Variants in TLE4 observed in about 807,000 individuals in gnomAD.
TLE4 encodes the protein TLE family member 4, transcriptional corepressor, also known as transducin-like enhancer protein 4.
Under a neutral mutation model 92.8 loss-of-function variants are expected in TLE4, and 8 were observed. That is an observed-to-expected ratio of 0.09 (90% confidence interval 0.05 to 0.16). The LOEUF is 0.16. Ranked by LOEUF, TLE4 falls within the 10% of genes least tolerant of loss-of-function variation. The pLI is 1.00. For missense variants in TLE4, 675 were observed against 997.6 expected (o/e 0.68, Z 4.36); for synonymous variants, 371 against 374.1 (o/e 0.99, Z 0.10).
At chr9:79,602,336 T>G (rs2045849808) in intron 4 of TLE4, among the ~76,000 whole-genome samples, 2 of 152,200 alleles carry the variant, frequency 1.3e-5, no homozygotes, top group African/African-American at 4.8e-5. Flanking sequence ...GAAGATGCCA[T>G]CTAGGACTTT....
At chr9:79,627,318 T>C in intron 5 of TLE4, 56 bp from the exon 6 acceptor site, 1 of 1,581,012 alleles carries the variant, frequency 6.3e-7, no homozygotes. Context: ...GGAAAAGCTG[T>C]TCTTGACTGA....
chr9:79,573,461 G>C, intron 1 of TLE4: 2 of 1,076,804 alleles, frequency 1.9e-6, no homozygotes, highest in Non-Finnish European at 2.4e-6. Context: ...GGGGTCCGGG[G>C]CGCGGGGGCC....
At chr9:79,676,815 T>G (rs1401770350) in intron 8 of TLE4, among the ~76,000 whole-genome samples, 1 of 152,162 alleles carries the variant, frequency 6.6e-6, no homozygotes, top group African/African-American at 2.4e-5. Flanking sequence ...TAGCAGAGCT[T>G]TATTATTTTA....
intron 8 of TLE4, among the ~76,000 whole-genome samples, chr9:79,679,970 A>G (rs370274747): frequency 2.0e-5 from 3 of 151,706 alleles, no homozygotes; most frequent in South Asian, 2.1e-4. Flanking sequence ...TGTTCCATTG[A>G]TCTATATCTC....
intron 8 of TLE4, among the ~76,000 whole-genome samples, chr9:79,702,541 C>T (rs1019281467): frequency 6.6e-6 from 1 of 152,150 alleles, no homozygotes; most frequent in African/African-American, 2.4e-5. Flanking sequence ...CAGAGATACA[C>T]AAAAGTCAAG....
At chr9:79,688,391 A>G (rs1185825552) in intron 8 of TLE4, among the ~76,000 whole-genome samples, 3 of 152,024 alleles carry the variant, frequency 2.0e-5, no homozygotes, top group East Asian at 1.9e-4. Context: ...AAATGTCTCA[A>G]TTCTTTTGCT....
chr9:79,645,070 A>C (rs1256038267), intron 6 of TLE4, among the ~76,000 whole-genome samples: 1 of 152,146 alleles, frequency 6.6e-6, no homozygotes, highest in East Asian at 1.9e-4. Context: ...ATGTGTTATA[A>C]CCTATAAAGT....
chr9:79,694,927 G>T (rs1233372547), intron 8 of TLE4, among the ~76,000 whole-genome samples: 1 of 152,096 alleles, frequency 6.6e-6, no homozygotes, highest in African/African-American at 2.4e-5. Context: ...TCTTCCCTGG[G>T]TCTGTCAGGC....
chr9:79,723,808 A>G (rs761827473), intron 19 of TLE4, among the ~76,000 whole-genome samples: 16 of 152,226 alleles, frequency 1.1e-4, no homozygotes, highest in Admixed American at 3.9e-4. Flanking sequence ...AAAAACGCCA[A>G]TTGTTGCAGT....
intron 5 of TLE4, among the ~76,000 whole-genome samples, chr9:79,625,502 T>G (rs896243953): frequency 6.6e-6 from 1 of 152,168 alleles, no homozygotes; most frequent in African/African-American, 2.4e-5. Flanking sequence ...CTACACTAAC[T>G]GATATCATTG....
chr9:79,713,369 G>A (rs987842367), intron 14 of TLE4, among the ~76,000 whole-genome samples: 6 of 152,226 alleles, frequency 3.9e-5, no homozygotes, highest in African/African-American at 1.4e-4. Context: ...ATGTCAGAGA[G>A]TCCAAGCCTA....
At chr9:79,591,571 T>C (rs143276253) in intron 4 of TLE4, among the ~76,000 whole-genome samples, 112 of 152,308 alleles carry the variant, frequency 7.4e-4, no homozygotes, top group African/African-American at 2.6e-3. Context: ...GCATGAGGCC[T>C]GAGAACAAAT....
chr9:79,697,712 TA>T (rs1217990548), intron 8 of TLE4, among the ~76,000 whole-genome samples: 1 of 152,070 alleles, frequency 6.6e-6, no homozygotes, highest in East Asian at 1.9e-4. Flanking sequence ...ATTGATATCT[TA>T]TAAATTATTA....
chr9:79,634,695 T>G (rs1040239955), intron 6 of TLE4, among the ~76,000 whole-genome samples: 4 of 152,160 alleles, frequency 2.6e-5, no homozygotes, highest in African/African-American at 7.2e-5. Context: ...AAAATGTGTC[T>G]TCTTCCAAAG....
intron 14 of TLE4, among the ~76,000 whole-genome samples, chr9:79,711,528 C>CAGAA: frequency 6.6e-6 from 1 of 151,992 alleles, no homozygotes; most frequent in East Asian, 1.9e-4. Context: ...TTTTTGGTTA[C>CAGAA]TTCTTAGGTA....
intron 6 of TLE4, among the ~76,000 whole-genome samples, chr9:79,640,766 G>C (rs935403724): frequency 4.0e-5 from 6 of 151,854 alleles, no homozygotes; most frequent in Admixed American, 6.6e-5. Flanking sequence ...CCTACTAGCC[G>C]GTCTCCTGCC....
intron 14 of TLE4, among the ~76,000 whole-genome samples, chr9:79,710,147 T>C (rs922565974): frequency 1.3e-5 from 2 of 152,228 alleles, no homozygotes; most frequent in Admixed American, 6.5e-5. Context: ...TATACCGTGC[T>C]CTGGGCATCT....
intron 4 of TLE4, among the ~76,000 whole-genome samples, chr9:79,611,966 A>C (rs2048473148): frequency 6.6e-6 from 1 of 151,054 alleles, no homozygotes; most frequent in South Asian, 2.1e-4. Flanking sequence ...AAAAGTTCCC[A>C]AGGATAGTTT....
chr9:79,590,949 T>C (rs2042387783), intron 4 of TLE4, among the ~76,000 whole-genome samples: 1 of 152,252 alleles, frequency 6.6e-6, no homozygotes, highest in African/African-American at 2.4e-5. Context: ...GAGATTGTTT[T>C]ATTCTTTCAT....
Sources: gnomAD v4.1 joint callset for allele counts (sites outside exome capture counted in the v4.1 genomes callset) on GRCh38, gnomAD v4.1.1 for gene constraint, MANE v1.5 for transcripts, NCBI Gene and HGNC (gene_info 2026-07-23, HGNC 2026-07-21) for gene names.